The following UNC80 variants were observed in gnomAD, a reference collection of about 807,000 sequenced individuals.
UNC80 encodes the protein unc-80 subunit of NALCN channel complex.
UNC80 carries 164 observed loss-of-function variants against 384.6 expected under a neutral mutation model. The ratio of observed to expected loss-of-function variants is 0.43; its 90% CI spans 0.38 to 0.49. The LOEUF (loss-of-function observed/expected upper bound fraction) is 0.49. UNC80 is among the 20% of genes least tolerant of loss of function. UNC80 has a pLI of 0.00. For missense variants in UNC80, 3,330 were observed against 4,143.0 expected (o/e 0.80, Z 5.39); for synonymous variants, 1,486 against 1,527.8 (o/e 0.97, Z 0.64).
rs955495455 is a variant in UNC80, at chr2:209,810,428, T to A, written c.939-3152T>A. Reference sequence around the variant, plus strand: ...CCAATAAAGCAATTTGTGTATTTTTTAAAAAGAGTATTCAAGGAGTACCTG... The same window carrying A: ...CCAATAAAGCAATTTGTGTATTTTTAAAAAAGAGTATTCAAGGAGTACCTG... On this transcript the variant is annotated intron_variant, in intron 7 of 64. Coordinates refer to ENST00000673920, the MANE Select transcript of UNC80 (RefSeq NM_001371986.1). Among the ~76,000 whole-genome samples the A allele has an allele frequency of 1.8e-4, 27 of 152,344 alleles. 1 individual carries two copies. Among genetic ancestry groups the A allele is most frequent in the African/African-American group, 5.3e-4 (22 of 41,578 alleles).
chr2:209,864,555 G>A (rs2124867974), intron 22 of UNC80, among the ~76,000 whole-genome samples: 1 of 152,266 alleles, frequency 6.6e-6, no homozygotes, highest in Middle Eastern at 3.4e-3. Context: ...TGAGCCTCTG[G>A]CTGGAGTTAT....
intron 38 of UNC80, among the ~76,000 whole-genome samples, chr2:209,932,956 A>G (rs1388179504): frequency 6.6e-6 from 1 of 152,188 alleles, no homozygotes; most frequent in African/African-American, 2.4e-5. Flanking sequence ...AAAACAGATT[A>G]GGTTTGCGAC....
At chr2:209,844,326 G>A (rs2081975892) in intron 21 of UNC80, among the ~76,000 whole-genome samples, 1 of 152,146 alleles carries the variant, frequency 6.6e-6, no homozygotes, top group Non-Finnish European at 1.5e-5. Flanking sequence ...CTCAAAGAAT[G>A]TAGGGTCTCT....
At chr2:209,916,020 A>C (rs1031349806) in intron 31 of UNC80, among the ~76,000 whole-genome samples, 3 of 152,240 alleles carry the variant, frequency 2.0e-5, no homozygotes, top group Admixed American at 6.5e-5. Context: ...CATATTTTTA[A>C]AATAAATTTT....
chr2:209,921,517 G>A lies in UNC80; in HGVS notation c.5361G>A (p.Arg1787=). 7.7e-6 allele frequency: 12 copies of A among 1,548,816 alleles called. No homozygotes were observed. Among genetic ancestry groups the A allele is most frequent in the Non-Finnish European group, 1.0e-5 (12 of 1,146,080 alleles). The change falls in exon 34 of 65, where the codon CGG becomes CGA. Residue 1787 remains arginine, a synonymous_variant. Transcript: ENST00000673920. ...CTCCACAGAAATCCTTTTCAGCCCG[G>A]GCTGTGTCCCGCTCCCATCAAAGGG... ...NEDQSKSFSA[R]AVSRSHQRAE... is the part of the protein sequence containing the mutation.
Position 209,877,937 on chromosome 2 carries a change from T to C in UNC80, c.3841-17T>C. On this transcript the variant is annotated splice_polypyrimidine_tract_variant and intron_variant, in intron 23 of 64. Transcript: ENST00000673920. Reference sequence around the variant, plus strand: ...GACTTAGTTTGTGCTGTTTCATTGTTTTCCTTCCCATTTTAGGCAATTGGC... The same window carrying C: ...GACTTAGTTTGTGCTGTTTCATTGTCTTCCTTCCCATTTTAGGCAATTGGC... The C allele has an allele frequency of 6.6e-7, 1 of 1,516,298 alleles. No homozygotes were observed. The highest frequency in any genetic ancestry group is 8.8e-7 in the Non-Finnish European group (1 of 1,131,722). The allele number at this position is 1,516,298 out of a possible 1,614,324, so 93.9% of individuals were successfully genotyped here. A position where few individuals can be genotyped will look rare whatever the true frequency, so the allele number is the denominator to read the frequency against.
rs189404197 is a variant in UNC80 at position 209,889,226 on chromosome 2, T to C, written c.4276+966T>C. 4.6e-5 allele frequency among the ~76,000 whole-genome samples: 7 copies of C among 152,328 alleles called. No individual in the cohort carries two copies. In the East Asian group the frequency reaches 1.4e-3, roughly 29 times the overall value. On this transcript the variant is annotated intron_variant, in intron 26 of 64. Coordinates refer to ENST00000673920, the MANE Select transcript of UNC80 (RefSeq NM_001371986.1). ...TACTCAGCCTACAGGTTGCTTGTAA[T>C]TTTTTCAATAGATAAGAATGACCTA... is the stretch of plus-strand genomic sequence containing the variant.
intron 23 of UNC80, among the ~76,000 whole-genome samples, chr2:209,876,550 A>G (rs2084803766): frequency 6.6e-6 from 1 of 152,110 alleles, no homozygotes; most frequent in African/African-American, 2.4e-5. Context: ...ACTTAATTTA[A>G]GTTGCTTAGT....
Position 209,982,288 on chromosome 2 carries a change from G to A in UNC80, c.9228G>A (p.Gln3076=), listed in dbSNP as rs2093175953. ...ATGTCTCCAGCATGTCTGTACCTCA[G>A]GCTGAGGTGGGCATGCTACCCAGCC... ...SSHVSSMSVP[Q]AEVGMLPSQS... Residue 3076 remains glutamine (Q), a synonymous_variant, in exon 60 of 65, where the codon CAG becomes CAA. Coordinates refer to ENST00000673920, the MANE Select transcript of UNC80 (RefSeq NM_001371986.1). 4 of 1,551,328 alleles carry A rather than the reference G, an allele frequency of 2.6e-6. No individual in the cohort carries two copies. The South Asian group carries it at 3.6e-5, about 14-fold the overall frequency.
At chr2:209,968,436 A>G (rs1028362396) in intron 52 of UNC80, 1 of 152,208 alleles carries the variant, frequency 6.6e-6, no homozygotes, top group Non-Finnish European at 1.5e-5. Flanking sequence ...CTTAATGTTC[A>G]ATTCATCAGA....
intron 28 of UNC80, among the ~76,000 whole-genome samples, chr2:209,900,620 A>G (rs1041392097): frequency 1.3e-5 from 2 of 152,228 alleles, no homozygotes; most frequent in Non-Finnish European, 2.9e-5. Context: ...GTGAAGGAAG[A>G]GTTGTGTGTC....
At chr2:209,971,053 A>G (rs1279019791) in intron 54 of UNC80, 96 bp downstream of exon 54, 8 of 1,445,076 alleles carry the variant, frequency 5.5e-6, no homozygotes, top group Non-Finnish European at 6.4e-6. Context: ...GCTGGGCAAA[A>G]TCTGTGAAAC....
At chr2:209,941,129 G>A (rs752914946) in intron 43 of UNC80, 92 bp from the exon 44 acceptor site, 12 of 1,390,774 alleles carry the variant, frequency 8.6e-6, no homozygotes, top group African/African-American at 1.5e-5. Flanking sequence ...TGGAACAAAC[G>A]GAGAACAGCA....
Position 209,969,815 on chromosome 2 carries a change from G to C in UNC80, c.8054G>C (p.Cys2685Ser). ...GCCAGCAATTTGATTGAAGGGGTTT[G>C]TTTGACACTTCAGAGGCAGCCAATC... is the stretch of plus-strand genomic sequence containing the variant. ...EPASNLIEGV[C>S]LTLQRQPIIS... Residue 2685 changes from cysteine (C) to serine (S), a missense_variant, in exon 53 of 65, where the codon TGT (cysteine) becomes TCT (serine). Cys to Ser is a moderately radical substitution (Grantham distance 112). Around this residue, in one of 8 missense-constraint regions of UNC80, gnomAD observed 1,049 missense variants for 1,488.6 expected, o/e 0.70. Transcript: ENST00000673920. 2.6e-6 allele frequency: 4 copies of C among 1,551,702 alleles called. No individual in the cohort carries two copies. The highest frequency in any genetic ancestry group is 2.6e-6 in the Non-Finnish European group (3 of 1,146,986).
At chr2:209,780,864 C>T (rs2153824883) in intron 4 of UNC80, among the ~76,000 whole-genome samples, 1 of 152,286 alleles carries the variant, frequency 6.6e-6, no homozygotes, top group South Asian at 2.1e-4. Context: ...TTGCAGTTGC[C>T]TTTCATGACT....
intron 4 of UNC80, among the ~76,000 whole-genome samples, 194 bp downstream of exon 4, chr2:209,777,753 A>G (rs968805989): frequency 6.6e-6 from 1 of 152,180 alleles, no homozygotes; most frequent in South Asian, 2.1e-4. Context: ...GCCTTTACCT[A>G]CTTAAAAATC....
chr2:209,954,206 G>A lies in UNC80; in HGVS notation c.7393G>A (p.Ala2465Thr). 1 of 1,551,064 alleles carries A rather than the reference G, an allele frequency of 6.4e-7. No homozygotes were observed. Among genetic ancestry groups the A allele is most frequent in the Non-Finnish European group, 8.7e-7 (1 of 1,146,924 alleles). ...ETVPAAREEI[A>T]ATAALATSLQ... ...AGTACCTGCTGCCCGAGAGGAGATT[G>A]CGGCCACTGCTGCTCTTGCGACGTC... Residue 2465 changes from alanine to threonine, a missense_variant, in exon 48 of 65, where the codon GCG (alanine) becomes ACG (threonine). This residue lies in a region of UNC80 where 1,049 missense variants were observed against 1,488.6 expected (regional missense o/e 0.70). Coordinates refer to ENST00000673920, the MANE Select transcript of UNC80 (RefSeq NM_001371986.1).
intron 22 of UNC80, among the ~76,000 whole-genome samples, chr2:209,865,340 T>G (rs1347712550): frequency 6.6e-6 from 1 of 152,142 alleles, no homozygotes; most frequent in Non-Finnish European, 1.5e-5. Flanking sequence ...CGATGGCTCA[T>G]GCCTGTAATC....
At chr2:209,783,100 T>C (rs866708230) in intron 4 of UNC80, among the ~76,000 whole-genome samples, 1 of 152,286 alleles carries the variant, frequency 6.6e-6, no homozygotes, top group Middle Eastern at 3.4e-3. Context: ...CTCTGTAAGC[T>C]ACTAGTAAAT....
Sources: allele counts gnomAD v4.1 joint callset (sites outside exome capture counted in the v4.1 genomes callset), GRCh38; gene constraint gnomAD v4.1.1; regional missense constraint gnomAD v4.1.1; transcripts MANE v1.5; gene names NCBI Gene and HGNC (gene_info 2026-07-23, HGNC 2026-07-21).